Variants in ETF1 observed in about 807,000 individuals in gnomAD.
ETF1 encodes eukaryotic peptide chain release factor subunit 1.
Under a neutral mutation model 55.1 loss-of-function variants are expected in ETF1, and 4 were observed. That is an observed-to-expected ratio of 0.07 (90% CI 0.04 to 0.17). The LOEUF (loss-of-function observed/expected upper bound fraction) is 0.17, where lower values mean the gene tolerates loss of function less well. Among genes scored for constraint, ETF1 ranks in the 10% least tolerant of loss-of-function variants. The pLI is 1.00. For synonymous variants in ETF1, 157 were observed against 182.3 expected (o/e 0.86, Z 1.12); for missense variants, 142 against 523.6 (o/e 0.27, Z 7.11).
chr5:138,510,869 G>C (rs1015005251), intron 8 of ETF1, 176 bp downstream of exon 8: 12 of 885,052 alleles, frequency 1.4e-5, no homozygotes, highest in Admixed American at 6.2e-5. Context: ...TTAAGCAGAC[G>C]TTAAACAGTT....
chr5:138,508,986 A>G (rs1021018002), intron 9 of ETF1, 170 bp from the exon 10 acceptor site: 1 of 979,468 alleles, frequency 1.0e-6, no homozygotes, highest in African/African-American at 1.8e-5. Flanking sequence ...AATGGATATC[A>G]GCAGAGAAAT....
At chr5:138,541,247 A>G (rs1429031401) in intron 2 of ETF1, among the ~76,000 whole-genome samples, 1 of 152,248 alleles carries the variant, frequency 6.6e-6, no homozygotes, top group Non-Finnish European at 1.5e-5. Flanking sequence ...CTTTCTGTAC[A>G]GTATTCTCAC....
At chr5:138,515,356 TG>T (rs1309858159) in intron 4 of ETF1, among the ~76,000 whole-genome samples, 1 of 151,668 alleles carries the variant, frequency 6.6e-6, no homozygotes, top group African/African-American at 2.4e-5. Context: ...ATTCGGGAGG[TG>T]GAAGTTGCAA....
chr5:138,533,017 G>A (rs1421660436), intron 2 of ETF1, among the ~76,000 whole-genome samples: 2 of 151,464 alleles, frequency 1.3e-5, no homozygotes, highest in East Asian at 1.9e-4. Context: ...TCGACTCACT[G>A]CAACCTCCGC....
intron 2 of ETF1, among the ~76,000 whole-genome samples, chr5:138,532,516 C>T (rs1462571909): frequency 6.6e-6 from 1 of 152,140 alleles, no homozygotes; most frequent in Non-Finnish European, 1.5e-5. Context: ...TCTTGACTAT[C>T]GCCTCCCCTC....
rs557105717 is a variant in ETF1, at chr5:138,522,115, T to G, written c.87-3248A>C. 6.2e-3 allele frequency among the ~76,000 whole-genome samples: 319 copies of G among 51,784 alleles called. 2 individuals carry two copies. The highest frequency in any genetic ancestry group is 0.011 in the African/African-American group (264 of 24,292). 34.0% of individuals were successfully genotyped at this position (51,784 alleles called of 152,430 possible). A position where few individuals can be genotyped will look rare whatever the true frequency, so the allele number is the denominator to read the frequency against. Reference sequence around the variant, plus strand: ...ATTCTCTTGTTTTTTGTTTTTTTGGTTTTTTTTACTTCTCTAATCAACTTG... The same window carrying G: ...ATTCTCTTGTTTTTTGTTTTTTTGGGTTTTTTTACTTCTCTAATCAACTTG... On this transcript the variant is annotated intron_variant, in intron 2 of 10. Transcript: ENST00000360541.
At chr5:138,529,584 C>T (rs1765611697) in intron 2 of ETF1, 1 of 985,404 alleles carries the variant, frequency 1.0e-6, no homozygotes. Flanking sequence ...CTCCCAGGGG[C>T]CTCTGCACTC....
intron 2 of ETF1, chr5:138,519,097 G>A (rs1765132640): frequency 1.0e-6 from 1 of 984,734 alleles, no homozygotes; most frequent in Non-Finnish European, 1.2e-6. Context: ...GGTAAGTTAT[G>A]TAAAGAATAC....
intron 2 of ETF1, chr5:138,519,168 T>C: frequency 2.0e-6 from 2 of 984,796 alleles, no homozygotes; most frequent in Non-Finnish European, 2.4e-6. Flanking sequence ...CTATGATAAA[T>C]AAGGAGTGTC....
At chr5:138,536,645 G>T (rs867655368) in intron 2 of ETF1, among the ~76,000 whole-genome samples, 6 of 152,204 alleles carry the variant, frequency 3.9e-5, no homozygotes, top group Admixed American at 2.0e-4. Flanking sequence ...GCTGGACTGA[G>T]AAGTAATTTC....
chr5:138,537,859 C>G (rs191656226), intron 2 of ETF1, among the ~76,000 whole-genome samples: 62 of 150,828 alleles, frequency 4.1e-4, no homozygotes, highest in African/African-American at 1.2e-3. Flanking sequence ...GGATTACAGG[C>G]GTGAGCCACC....
intron 9 of ETF1, 117 bp from the exon 10 acceptor site, chr5:138,508,933 C>A: frequency 6.8e-7 from 1 of 1,481,106 alleles, no homozygotes; most frequent in South Asian, 1.4e-5. Flanking sequence ...ATAGGCATGT[C>A]TGTGTGTAAA....
At chr5:138,523,554 T>C (rs1003501617) in intron 2 of ETF1, among the ~76,000 whole-genome samples, 1 of 152,032 alleles carries the variant, frequency 6.6e-6, no homozygotes, top group Admixed American at 6.6e-5. Flanking sequence ...CACCACATAT[T>C]GTATAGTTCC....
At chr5:138,510,806 G>T in intron 8 of ETF1, 177 bp from the exon 9 acceptor site, 1 of 673,094 alleles carries the variant, frequency 1.5e-6, no homozygotes, top group Non-Finnish European at 1.8e-6. Context: ...CAACCATAAG[G>T]AACATCAGAG....
intron 2 of ETF1, among the ~76,000 whole-genome samples, chr5:138,519,483 G>GA (rs1234223071): frequency 6.6e-6 from 1 of 151,372 alleles, no homozygotes; most frequent in Non-Finnish European, 1.5e-5. Flanking sequence ...CCAACAGAGT[G>GA]AAACCTCGTC....
chr5:138,522,364 G>A (rs1038219965), intron 2 of ETF1, among the ~76,000 whole-genome samples: 7 of 152,056 alleles, frequency 4.6e-5, no homozygotes, highest in Non-Finnish European at 7.4e-5. Flanking sequence ...CAAAGACATA[G>A]CATGTGAAGA....
At chr5:138,535,037 G>A (rs895472013) in intron 2 of ETF1, among the ~76,000 whole-genome samples, 2 of 142,554 alleles carry the variant, frequency 1.4e-5, no homozygotes, top group Non-Finnish European at 3.0e-5. Flanking sequence ...TGCAACTTCC[G>A]CCTCTTGGGT....
intron 2 of ETF1, among the ~76,000 whole-genome samples, chr5:138,537,750 G>A (rs1354410285): frequency 6.6e-6 from 1 of 151,164 alleles, no homozygotes; most frequent in African/African-American, 2.4e-5. Context: ...ACCATGCCTG[G>A]CTAGTATTTT....
chr5:138,509,986 G>A (rs1764701493), intron 9 of ETF1, among the ~76,000 whole-genome samples: 1 of 151,498 alleles, frequency 6.6e-6, no homozygotes, highest in Admixed American at 6.6e-5. Context: ...CCTGAGCCCA[G>A]GGGTTCGAGG....
Sources: allele counts gnomAD v4.1 joint callset (sites outside exome capture counted in the v4.1 genomes callset), GRCh38; gene constraint gnomAD v4.1.1; transcripts MANE v1.5; gene names NCBI Gene and HGNC (gene_info 2026-07-23, HGNC 2026-07-21).